The following CSMD1 variants were observed in gnomAD, a reference collection of about 807,000 sequenced individuals.
CSMD1 encodes the protein CUB and Sushi multiple domains 1, also known as CUB and sushi domain-containing protein 1.
Under a neutral mutation model 417.5 loss-of-function variants are expected in CSMD1, and 213 were observed. That is an observed-to-expected ratio of 0.51 (90% CI 0.46 to 0.57). The LOEUF (loss-of-function observed/expected upper bound fraction) is 0.57, where lower values mean the gene tolerates loss of function less well. Among genes scored for constraint, CSMD1 ranks in the 20% least tolerant of loss-of-function variants. The pLI is 0.00. For synonymous variants in CSMD1, 2,862 were observed against 1,736.8 expected (o/e 1.65, Z -16.11); for missense variants, 6,923 against 4,529.7 (o/e 1.53, Z -15.17).
chr8:3,641,581 G>T (rs989368403), intron 7 of CSMD1, among the ~76,000 whole-genome samples: 3 of 152,156 alleles, frequency 2.0e-5, no homozygotes, highest in African/African-American at 7.2e-5. Context: ...CAGAAATCAT[G>T]ATTTATGCTT....
At chr8:4,882,012 A>G (rs1193458192) in intron 1 of CSMD1, among the ~76,000 whole-genome samples, 2 of 152,074 alleles carry the variant, frequency 1.3e-5, no homozygotes, top group Non-Finnish European at 2.9e-5. Context: ...AGCCCTTCCA[A>G]CACTTATTTG....
chr8:4,409,117 G>A (rs558295887), intron 3 of CSMD1, among the ~76,000 whole-genome samples: 1 of 152,172 alleles, frequency 6.6e-6, no homozygotes, highest in African/African-American at 2.4e-5. Flanking sequence ...TCTGCATATG[G>A]CTATAAATTA....
At chr8:3,979,164 C>A (rs567253886) in intron 5 of CSMD1, among the ~76,000 whole-genome samples, 39 of 152,302 alleles carry the variant, frequency 2.6e-4, no homozygotes, top group African/African-American at 8.7e-4. Flanking sequence ...TTTTACAACA[C>A]CTGTGAGATC....
intron 1 of CSMD1, among the ~76,000 whole-genome samples, chr8:4,733,278 G>A (rs371206798): frequency 4.6e-5 from 7 of 152,104 alleles, no homozygotes; most frequent in African/African-American, 1.7e-4. Context: ...ATATGCAGAA[G>A]GAAAAATAAA....
At chr8:4,822,631 CA>C (rs959158960) in intron 1 of CSMD1, among the ~76,000 whole-genome samples, 2 of 151,574 alleles carry the variant, frequency 1.3e-5, no homozygotes, top group African/African-American at 4.8e-5. Flanking sequence ...TCATAGAAAA[CA>C]AAAAAAGATA....
chr8:4,378,029 T>G (rs1447097469), intron 3 of CSMD1, among the ~76,000 whole-genome samples: 1 of 152,210 alleles, frequency 6.6e-6, no homozygotes, highest in East Asian at 1.9e-4. Context: ...GTATTCCCTC[T>G]AATATACAGG....
chr8:3,266,294 T>A (rs554882405), intron 26 of CSMD1, among the ~76,000 whole-genome samples: 21 of 151,140 alleles, frequency 1.4e-4, no homozygotes, highest in African/African-American at 4.9e-4. Context: ...GCACCACAGT[T>A]CTGCAAGGGG....
intron 3 of CSMD1, among the ~76,000 whole-genome samples, chr8:4,091,402 G>C (rs555582621): frequency 1.3e-5 from 2 of 152,086 alleles, no homozygotes; most frequent in Non-Finnish European, 2.9e-5. Flanking sequence ...TTTTAATGAA[G>C]TTATCAATTT....
intron 1 of CSMD1, among the ~76,000 whole-genome samples, chr8:4,663,317 A>C (rs890757871): frequency 4.6e-5 from 7 of 152,340 alleles, no homozygotes; most frequent in Admixed American, 3.9e-4. Flanking sequence ...CCATCTTTTT[A>C]AAGGGGAAAG....
intron 3 of CSMD1, among the ~76,000 whole-genome samples, chr8:4,363,572 C>T (rs1229305235): frequency 1.3e-5 from 2 of 152,250 alleles, no homozygotes; most frequent in African/African-American, 2.4e-5. Flanking sequence ...GAAACAGGAG[C>T]GCCATCTGCC....
In CSMD1 at chr8:4,325,915, T is replaced by C. The variant is rs57441674; in HGVS notation, c.415+94038A>G. 1.1e-3 allele frequency among the ~76,000 whole-genome samples: 172 copies of C among 152,278 alleles called. 1 individual carries two copies. Among genetic ancestry groups the C allele is most frequent in the African/African-American group, 4.0e-3 (165 of 41,568 alleles). On this transcript the variant is annotated intron_variant, in intron 3 of 69. Transcript: ENST00000635120. ...TGGTCAGAATATAATAGAGCAGATT[T>C]ACATGCTGGCTGGGGCACCTTTTTC...
rs1322849494 is a variant in CSMD1 at position 4,265,786 on chromosome 8, G to A, written c.415+154167C>T. Reference sequence around the variant, plus strand: ...GTCAGTGCTCAAGTTTCCCTAATGTGATGTTGACTTTTATAAACTCTCACC... The same window carrying A: ...GTCAGTGCTCAAGTTTCCCTAATGTAATGTTGACTTTTATAAACTCTCACC... On this transcript the variant is annotated intron_variant, in intron 3 of 69. Coordinates refer to ENST00000635120, the MANE Select transcript of CSMD1 (RefSeq NM_033225.6). Among the ~76,000 whole-genome samples, 9 of 104,728 alleles carry A rather than the reference G, an allele frequency of 8.6e-5. 2 individuals carry two copies. Among genetic ancestry groups the A allele is most frequent in the African/African-American group, 2.3e-4 (9 of 38,416 alleles). The allele number at this position is 104,728 out of a possible 152,430, so 68.7% of individuals were successfully genotyped here.
chr8:4,358,012 G>C (rs921378839), intron 3 of CSMD1, among the ~76,000 whole-genome samples: 3 of 152,020 alleles, frequency 2.0e-5, no homozygotes, highest in African/African-American at 2.4e-5. Flanking sequence ...CCTTCCCATG[G>C]AACTTCTGTC....
At position 4,460,623 on chromosome 8, in the gene CSMD1, G is replaced by C. The variant is rs78020199; in HGVS notation, c.303-40558C>G. On this transcript the variant is annotated intron_variant, in intron 2 of 69. Transcript: ENST00000635120. Reference sequence around the variant, plus strand: ...TACTAAAATGGGGGAAAAAAAGGTAGAGAATATTACTATGGACCTTACAGA... The same window carrying C: ...TACTAAAATGGGGGAAAAAAAGGTACAGAATATTACTATGGACCTTACAGA... Among the ~76,000 whole-genome samples the C allele has an allele frequency of 8.0e-3, 1,221 of 152,186 alleles. 12 individuals are homozygous for C. Among genetic ancestry groups the C allele is most frequent in the African/African-American group, 0.027 (1,138 of 41,520 alleles).
chr8:3,136,830 A>C (rs974665652), intron 41 of CSMD1, among the ~76,000 whole-genome samples: 1 of 152,176 alleles, frequency 6.6e-6, no homozygotes, highest in African/African-American at 2.4e-5. Context: ...TACAAAATCC[A>C]ACATTACCAA....
chr8:3,465,763 T>G (rs1816760056), intron 12 of CSMD1, among the ~76,000 whole-genome samples: 1 of 152,046 alleles, frequency 6.6e-6, no homozygotes, highest in South Asian at 2.1e-4. Flanking sequence ...TAGGATGGAG[T>G]CTCAGAAATT....
chr8:4,390,396 C>T (rs1207168523), intron 3 of CSMD1, among the ~76,000 whole-genome samples: 1 of 151,952 alleles, frequency 6.6e-6, no homozygotes, highest in Non-Finnish European at 1.5e-5. Context: ...GTCAATGTAA[C>T]AGGAGAAATA....
chr8:4,749,224 T>G (rs1258773878), intron 1 of CSMD1, among the ~76,000 whole-genome samples: 2 of 152,266 alleles, frequency 1.3e-5, no homozygotes, highest in Non-Finnish European at 2.9e-5. Flanking sequence ...ACTTTTTCAT[T>G]AAAGGGTTAA....
chr8:3,488,610 A>G (rs764125526), intron 11 of CSMD1, among the ~76,000 whole-genome samples: 1 of 152,208 alleles, frequency 6.6e-6, no homozygotes, highest in African/African-American at 2.4e-5. Context: ...GGCTAGGACA[A>G]TGGCTTATTC....
Sources: allele counts gnomAD v4.1 joint callset (sites outside exome capture counted in the v4.1 genomes callset), GRCh38; gene constraint gnomAD v4.1.1; transcripts MANE v1.5; gene names NCBI Gene and HGNC (gene_info 2026-07-23, HGNC 2026-07-21).